Variants in LARGE1 observed in about 807,000 individuals in gnomAD.
LARGE1 encodes LARGE xylosyl- and glucuronyltransferase 1, also known as xylosyl- and glucuronyltransferase LARGE1.
A neutral mutation model predicts 87.6 loss-of-function variants in LARGE1; 43 were observed. That is an observed-to-expected ratio of 0.49 (90% CI 0.38 to 0.63). The LOEUF is 0.63. Among genes scored for constraint, LARGE1 ranks in the 30% least tolerant of loss-of-function variants. LARGE1 has a pLI of 0.00. For synonymous variants in LARGE1, 434 were observed against 394.6 expected, an observed-to-expected ratio of 1.10 and a Z score of -1.18; for missense variants, 802 against 1,000.2, an observed-to-expected ratio of 0.80 and a Z score of 2.67.
intron 6 of LARGE1, among the ~76,000 whole-genome samples, chr22:33,561,149 A>G (rs994956218): frequency 1.3e-5 from 2 of 152,236 alleles, no homozygotes; most frequent in Non-Finnish European, 2.9e-5. Context: ...CTCAGTGCCT[A>G]GAACCTAAGA....
intron 6 of LARGE1, among the ~76,000 whole-genome samples, chr22:33,500,654 C>G (rs1364109036): frequency 1.3e-5 from 2 of 152,170 alleles, no homozygotes; most frequent in African/African-American, 4.8e-5. Context: ...AACTACTTAA[C>G]CACTCTAAGT....
chr22:33,897,883 C>T (rs1326697069), intron 1 of LARGE1, among the ~76,000 whole-genome samples: 1 of 152,126 alleles, frequency 6.6e-6, no homozygotes, highest in East Asian at 1.9e-4. Flanking sequence ...CTCTGTGCCA[C>T]GAAGTGCCTG....
intron 6 of LARGE1, among the ~76,000 whole-genome samples, chr22:33,434,147 T>C (rs1051025530): frequency 2.0e-5 from 3 of 152,158 alleles, no homozygotes; most frequent in African/African-American, 7.2e-5. Flanking sequence ...GTGCCCTTAG[T>C]TGGGAAAGCT....
At chr22:33,685,783 T>C (rs1028102197) in intron 2 of LARGE1, among the ~76,000 whole-genome samples, 2 of 152,184 alleles carry the variant, frequency 1.3e-5, no homozygotes, top group African/African-American at 2.4e-5. Flanking sequence ...GGGAGACACA[T>C]GTGCCAACAA....
chr22:33,190,631 A>G (rs5994691), intron 11 of LARGE1, among the ~76,000 whole-genome samples: 4,817 of 152,214 alleles, frequency 0.032, 262 homozygotes, highest in African/African-American at 0.11. Context: ...CTTGAAGACA[A>G]TGGGCTAGAA....
chr22:33,617,394 T>C (rs1422096850), intron 4 of LARGE1, among the ~76,000 whole-genome samples: 2 of 152,206 alleles, frequency 1.3e-5, no homozygotes. Context: ...TCTCTTTTGT[T>C]CAAAGGGAGA....
chr22:33,680,156 G>T (rs1420737280), intron 2 of LARGE1, among the ~76,000 whole-genome samples: 1 of 152,176 alleles, frequency 6.6e-6, no homozygotes, highest in Non-Finnish European at 1.5e-5. Flanking sequence ...AGTTCCCTTG[G>T]AGTCTGTGAA....
intron 1 of LARGE1, among the ~76,000 whole-genome samples, chr22:33,767,448 T>C (rs2084942063): frequency 1.3e-5 from 2 of 148,712 alleles, no homozygotes; most frequent in South Asian, 2.1e-4. Flanking sequence ...TATGTATATA[T>C]ATAAGCTTTA....
intron 2 of LARGE1, among the ~76,000 whole-genome samples, chr22:33,721,737 G>A (rs2083103246): frequency 6.6e-6 from 1 of 152,136 alleles, no homozygotes; most frequent in Non-Finnish European, 1.5e-5. Context: ...AACTCTAAGT[G>A]GCATAGAAGG....
At chr22:33,813,610 C>T (rs995764792) in intron 1 of LARGE1, among the ~76,000 whole-genome samples, 2 of 152,116 alleles carry the variant, frequency 1.3e-5, no homozygotes, top group African/African-American at 4.8e-5. Context: ...AGCTTCTGTT[C>T]GGCCTCGGCT....
chr22:33,249,476 C>T lies in LARGE1; in HGVS notation c.1730+54753G>A, dbSNP rs1926917810. Among the ~76,000 whole-genome samples the T allele has an allele frequency of 2.0e-5, 3 of 152,136 alleles. No homozygotes were observed. The South Asian group carries it at 6.2e-4, about 32-fold the overall frequency. The stretch of plus-strand genomic sequence containing the variant: ...GATGTGTCTTTTGCAAATGTATTCT[C>T]CCAGTCTGTGGCTTGTCTTCTCATT... On this transcript the variant is annotated intron_variant, in intron 11 of 11. Coordinates refer to the LARGE1 transcript ENST00000608642.
chr22:33,287,958 A>G (rs981085636), intron 12 of LARGE1, among the ~76,000 whole-genome samples: 7 of 152,146 alleles, frequency 4.6e-5, no homozygotes, highest in Non-Finnish European at 1.0e-4. Context: ...CACTTTCACT[A>G]TTTTGAGTCC....
chr22:33,066,795 T>A, the LARGE1 span, among the ~76,000 whole-genome samples: 1 of 152,188 alleles, frequency 6.6e-6, no homozygotes, highest in Admixed American at 6.5e-5. Flanking sequence ...TGGCTTTAAA[T>A]TTGTACCCTG....
chr22:33,696,714 G>A (rs571796658), intron 2 of LARGE1, among the ~76,000 whole-genome samples: 1 of 151,718 alleles, frequency 6.6e-6, no homozygotes, highest in Non-Finnish European at 1.5e-5. Flanking sequence ...GTTTGAAATG[G>A]CATCTCATTG....
chr22:33,801,729 T>C (rs1181170521), intron 1 of LARGE1, among the ~76,000 whole-genome samples: 1 of 152,180 alleles, frequency 6.6e-6, no homozygotes, highest in African/African-American at 2.4e-5. Context: ...CATTTTGTTT[T>C]ACGAATTGTG....
the LARGE1 span, among the ~76,000 whole-genome samples, chr22:33,089,470 T>C: frequency 6.6e-6 from 1 of 150,708 alleles, no homozygotes; most frequent in Non-Finnish European, 1.5e-5. Flanking sequence ...CTTCCTCTTC[T>C]TCTTCCTCTT....
the LARGE1 span, among the ~76,000 whole-genome samples, chr22:33,132,592 T>C: frequency 6.7e-6 from 1 of 149,020 alleles, no homozygotes; most frequent in Non-Finnish European, 1.5e-5. Context: ...AGTTTTTACT[T>C]TTGATTTATC....
the LARGE1 span, among the ~76,000 whole-genome samples, chr22:33,125,904 C>A: frequency 2.6e-5 from 4 of 152,276 alleles, no homozygotes; most frequent in Admixed American, 2.6e-4. Context: ...CCTGCCACCA[C>A]ACTCGGCAAA....
intron 1 of LARGE1, among the ~76,000 whole-genome samples, chr22:33,815,799 G>C (rs1178805606): frequency 6.6e-6 from 1 of 152,188 alleles, no homozygotes; most frequent in Non-Finnish European, 1.5e-5. Context: ...GCTCAGCAGA[G>C]CCCTGTGAGT....
Sources: allele counts gnomAD v4.1 joint callset (sites outside exome capture counted in the v4.1 genomes callset), GRCh38; gene constraint gnomAD v4.1.1; transcripts MANE v1.5; gene names NCBI Gene and HGNC (gene_info 2026-07-23, HGNC 2026-07-21).